The following SLCO6A1 variants were observed in gnomAD, a reference collection of about 807,000 sequenced individuals.
SLCO6A1 encodes solute carrier organic anion transporter family member 6A1.
In SLCO6A1, 65 loss-of-function variants were observed where a neutral mutation model predicts 72.7. The ratio of observed to expected loss-of-function variants is 0.89; its 90% confidence interval spans 0.73 to 1.10. SLCO6A1 has a LOEUF of 1.10. Among genes scored for constraint, SLCO6A1 ranks in the 50% least tolerant of loss-of-function variants. SLCO6A1 has a pLI of 0.00. For missense variants in SLCO6A1, 874 were observed against 872.6 expected (o/e 1.00, Z -0.02); for synonymous variants, 314 against 298.2 (o/e 1.05, Z -0.55).
At chr5:102,467,179 G>C (rs988198944) in intron 4 of SLCO6A1, among the ~76,000 whole-genome samples, 1 of 151,966 alleles carries the variant, frequency 6.6e-6, no homozygotes, top group Non-Finnish European at 1.5e-5. Flanking sequence ...TCCATCTTGA[G>C]TTGATTTTTG....
Position 102,458,415 on chromosome 5 carries a change from T to C in SLCO6A1, c.1098A>G (p.Gly366=), listed in dbSNP as rs1750852593. 6.2e-7 allele frequency: 1 copy of C among 1,612,588 alleles called. No individual in the cohort carries two copies. Among genetic ancestry groups the C allele is most frequent in the African/African-American group, 1.3e-5 (1 of 74,876 alleles). ...FDSRLKDLKL[G]TNIKDLCAAL... is the part of the protein sequence containing the mutation. ...CAGCACATAAATCCTTGATATTAGT[T>C]CCAAGTTTCAGATCTTTAAGTCTGC... Residue 366 remains glycine (G), a synonymous_variant, in exon 6 of 14, where the codon GGA becomes GGG. Coordinates refer to ENST00000506729, the MANE Select transcript of SLCO6A1 (RefSeq NM_173488.5).
intron 7 of SLCO6A1, among the ~76,000 whole-genome samples, chr5:102,425,428 G>A (rs1748840598): frequency 6.6e-6 from 1 of 152,086 alleles, no homozygotes; most frequent in South Asian, 2.1e-4. Context: ...AAAGTCTCAG[G>A]ATACAAAATC....
intron 4 of SLCO6A1, among the ~76,000 whole-genome samples, chr5:102,468,042 G>A (rs570328487): frequency 1.8e-4 from 27 of 152,054 alleles, no homozygotes; most frequent in African/African-American, 4.6e-4. Context: ...CACTATCATC[G>A]TTCAGTTCAA....
chr5:102,411,468 T>A (rs1163135004), intron 9 of SLCO6A1, among the ~76,000 whole-genome samples: 1 of 152,132 alleles, frequency 6.6e-6, no homozygotes, highest in Non-Finnish European at 1.5e-5. Context: ...TTTCGCCATG[T>A]TGCCCAGGCT....
intron 6 of SLCO6A1, among the ~76,000 whole-genome samples, chr5:102,451,156 C>T (rs577311821): frequency 6.6e-6 from 1 of 152,178 alleles, no homozygotes; most frequent in East Asian, 1.9e-4. Context: ...GTGCAGGAGG[C>T]CTGCAATAGT....
chr5:102,372,160 T>C (rs758476400), intron 13 of SLCO6A1, 37 bp from the exon 14 acceptor site: 62 of 152,022 alleles, frequency 4.1e-4, no homozygotes, highest in Non-Finnish European at 6.0e-4. Flanking sequence ...AGCAATCAAG[T>C]AGAGTTTTAC....
At chr5:102,450,851 G>A (rs1324298457) in intron 6 of SLCO6A1, among the ~76,000 whole-genome samples, 2 of 152,198 alleles carry the variant, frequency 1.3e-5, no homozygotes, top group Non-Finnish European at 2.9e-5. Flanking sequence ...TTTCTTCACA[G>A]GGCAGCCATG....
chr5:102,373,906 G>A (rs1204482747), intron 12 of SLCO6A1, among the ~76,000 whole-genome samples: 3 of 151,930 alleles, frequency 2.0e-5, no homozygotes, highest in Non-Finnish European at 2.9e-5. Context: ...CATTAATTTT[G>A]CAGGTTTTTT....
At chr5:102,414,598 C>T (rs1748171067) in intron 8 of SLCO6A1, among the ~76,000 whole-genome samples, 1 of 152,122 alleles carries the variant, frequency 6.6e-6, no homozygotes, top group Non-Finnish European at 1.5e-5. Flanking sequence ...AAAAATCTAG[C>T]TGAGAACAAG....
At chr5:102,409,735 A>T (rs549309738) in intron 9 of SLCO6A1, among the ~76,000 whole-genome samples, 2 of 152,292 alleles carry the variant, frequency 1.3e-5, no homozygotes, top group African/African-American at 4.8e-5. Flanking sequence ...TATTTCTATC[A>T]CTGTTATTCC....
At position 102,459,716 on chromosome 5, in the gene SLCO6A1, C is replaced by G; in HGVS notation, c.961G>C (p.Ala321Pro). Residue 321 changes from alanine to proline, a missense_variant, in exon 5 of 14, where the codon GCC becomes CCC. Ala to Pro is a conservative substitution (Grantham distance 27). Transcript: ENST00000506729. ...AATGTACACCATGCAACGACAGCGG[C>G]AAAAAGAAAATTAATCCACCAAGTC... ...LWTWWINFLF[A>P]AVVAWCTLIP... is the part of the protein sequence containing the mutation. 9 of 1,597,770 alleles carry G rather than the reference C, an allele frequency of 5.6e-6. No homozygotes were observed. Among genetic ancestry groups the G allele is most frequent in the Non-Finnish European group, 6.8e-6 (8 of 1,171,562 alleles).
intron 4 of SLCO6A1, among the ~76,000 whole-genome samples, chr5:102,468,036 A>T (rs1751397088): frequency 6.6e-6 from 1 of 152,060 alleles, no homozygotes. Context: ...TTGTGTCACT[A>T]TCATCGTTCA....
rs201974895 is a variant in SLCO6A1 at position 102,498,858 on chromosome 5, C to A, written c.-14G>T. On this transcript the variant is annotated 5_prime_UTR_variant, in exon 1 of 14. Coordinates refer to ENST00000506729, the MANE Select transcript of SLCO6A1 (RefSeq NM_173488.5). ...GCCTACGAACATGGCTCACCCTGGG[C>A]GGCTCCTGGCGACGCGGCCCGAGTG... is the stretch of plus-strand genomic sequence containing the variant. 2.4e-4 allele frequency: 383 copies of A among 1,589,850 alleles called. 5 individuals carry two copies. The South Asian group carries it at 3.0e-3, about 12-fold the overall frequency.
At chr5:102,426,014 G>A (rs1206117668) in intron 7 of SLCO6A1, among the ~76,000 whole-genome samples, 1 of 152,182 alleles carries the variant, frequency 6.6e-6, no homozygotes, top group African/African-American at 2.4e-5. Context: ...AACAAGCAAT[G>A]CGGAAATGGT....
chr5:102,392,928 C>T (rs946864396), intron 10 of SLCO6A1, among the ~76,000 whole-genome samples: 8 of 151,980 alleles, frequency 5.3e-5, no homozygotes, highest in African/African-American at 1.9e-4. Context: ...TAGAGCTCCC[C>T]GTTTCAAAAT....
chr5:102,493,220 G>C (rs936539086), intron 1 of SLCO6A1, among the ~76,000 whole-genome samples: 2 of 152,054 alleles, frequency 1.3e-5, no homozygotes, highest in Non-Finnish European at 2.9e-5. Context: ...GAAAACTGTA[G>C]AACAATACTC....
At chr5:102,406,342 T>A (rs1747664757) in intron 9 of SLCO6A1, among the ~76,000 whole-genome samples, 1 of 151,906 alleles carries the variant, frequency 6.6e-6, no homozygotes, top group South Asian at 2.1e-4. Context: ...CAAAATACAC[T>A]TCAAGAAAAA....
intron 4 of SLCO6A1, among the ~76,000 whole-genome samples, chr5:102,473,236 C>A (rs1472443490): frequency 6.6e-6 from 1 of 151,838 alleles, no homozygotes; most frequent in Non-Finnish European, 1.5e-5. Context: ...AAAACACAAG[C>A]AAATTGAATG....
intron 6 of SLCO6A1, among the ~76,000 whole-genome samples, chr5:102,442,068 T>C (rs1749863481): frequency 6.6e-6 from 1 of 152,164 alleles, no homozygotes; most frequent in South Asian, 2.1e-4. Flanking sequence ...ATCCTATGAT[T>C]TTATATAAAA....
Sources: gnomAD v4.1 joint callset for allele counts (sites outside exome capture counted in the v4.1 genomes callset) on GRCh38, gnomAD v4.1.1 for gene constraint, MANE v1.5 for transcripts, NCBI Gene and HGNC (gene_info 2026-07-23, HGNC 2026-07-21) for gene names.